Variants in CTNNA3 observed in about 807,000 individuals in gnomAD.
The protein encoded by CTNNA3 is catenin alpha-3.
In CTNNA3, 76 loss-of-function variants were observed where a neutral mutation model predicts 95.7. The observed-to-expected ratio is 0.79, with a 90% CI of 0.66 to 0.96. CTNNA3 has a LOEUF of 0.96. Ranked by LOEUF, CTNNA3 falls within the 40% of genes least tolerant of loss-of-function variation. The pLI is 0.00. For synonymous variants in CTNNA3, 431 were observed against 374.4 expected (o/e 1.15, Z -1.74); for missense variants, 1,191 against 1,089.8 (o/e 1.09, Z -1.31).
chr10:67,484,987 A>G (rs539546627), intron 5 of CTNNA3, among the ~76,000 whole-genome samples: 244 of 152,316 alleles, frequency 1.6e-3, no homozygotes, highest in African/African-American at 5.6e-3. Context: ...AAAAGAAAAT[A>G]AATCATTCTA....
At chr10:65,986,778 C>T (rs2078436213) in intron 16 of CTNNA3, among the ~76,000 whole-genome samples, 1 of 150,980 alleles carries the variant, frequency 6.6e-6, no homozygotes, top group Admixed American at 6.6e-5. Flanking sequence ...AACAGCAAAG[C>T]TGGAAACATC....
chr10:66,176,257 T>A (rs984151887), intron 13 of CTNNA3, among the ~76,000 whole-genome samples: 4 of 152,076 alleles, frequency 2.6e-5, no homozygotes, highest in Non-Finnish European at 5.9e-5. Context: ...AATGTGACAG[T>A]TGATGGTCTG....
intron 11 of CTNNA3, among the ~76,000 whole-genome samples, chr10:66,398,870 T>C (rs1298346446): frequency 6.6e-6 from 1 of 152,036 alleles, no homozygotes; most frequent in African/African-American, 2.4e-5. Context: ...TTCAGTGTTA[T>C]TATCTCAGCA....
chr10:66,396,172 C>A (rs546106486), intron 11 of CTNNA3, among the ~76,000 whole-genome samples: 10 of 151,980 alleles, frequency 6.6e-5, no homozygotes, highest in African/African-American at 2.4e-4. Context: ...TTTCTCTATC[C>A]AATCAAATAA....
intron 5 of CTNNA3, among the ~76,000 whole-genome samples, chr10:67,359,517 T>C (rs567718270): frequency 3.3e-5 from 5 of 152,240 alleles, no homozygotes; most frequent in East Asian, 1.9e-4. Context: ...AAAGATGACA[T>C]AGTCATTTTA....
intron 5 of CTNNA3, among the ~76,000 whole-genome samples, chr10:67,513,059 C>G (rs1368048200): frequency 6.6e-6 from 1 of 152,064 alleles, no homozygotes; most frequent in Non-Finnish European, 1.5e-5. Flanking sequence ...TTACTGGCAC[C>G]TCACCGCCTA....
rs567094335 is a variant in CTNNA3, at chr10:67,055,150, C to T, written c.1047+125167G>A. ...TTCCACCTCTCCTGCTTCCTACCTA[C>T]GCATCTTTGAGACAGCTGCATAGGC... is the stretch of plus-strand genomic sequence containing the variant. On this transcript the variant is annotated intron_variant, in intron 7 of 17. Transcript: ENST00000433211. 20 of 152,268 alleles carry T rather than the reference C, an allele frequency of 1.3e-4. No individual in the cohort carries two copies. The East Asian group carries it at 1.7e-3, about 13-fold the overall frequency. 9.4% of individuals were successfully genotyped at this position (152,268 alleles called of 1,614,324 possible).
rs539925404 is a variant in CTNNA3, at chr10:66,455,872, G to A, written c.1531+64745C>T. Among the ~76,000 whole-genome samples the A allele has an allele frequency of 2.0e-5, 3 of 152,220 alleles. No homozygotes were observed. The East Asian group carries it at 5.8e-4, about 29-fold the overall frequency. On this transcript the variant is annotated intron_variant, in intron 11 of 17. Coordinates refer to ENST00000433211, the MANE Select transcript of CTNNA3 (RefSeq NM_013266.4). Reference sequence around the variant, plus strand: ...GGGCTCACCTGCCCTGCATCAACAGGATACAAGATCAACATACAACAAAAC... The same window carrying A: ...GGGCTCACCTGCCCTGCATCAACAGAATACAAGATCAACATACAACAAAAC...
In CTNNA3 at chr10:67,743,496, A is replaced by G. The variant is rs1841355119; in HGVS notation, c.-2+19938T>C. ...TCAATAAATTAGGTATTGATGGGACATATCTCAAAATAATAAGAGCTATCT... is the reference window on the plus strand; with the variant it reads ...TCAATAAATTAGGTATTGATGGGACGTATCTCAAAATAATAAGAGCTATCT... On this transcript the variant is annotated intron_variant, in intron 1 of 17. Transcript: ENST00000684154. 2.0e-5 allele frequency among the ~76,000 whole-genome samples: 3 copies of G among 151,282 alleles called. No homozygotes were observed. The South Asian group carries it at 6.4e-4, about 32-fold the overall frequency.
In CTNNA3 at chr10:66,103,259, GA is replaced by G. The variant is rs779433087; in HGVS notation, c.1885-11del. 8 of 1,608,984 alleles carry G rather than the reference GA, an allele frequency of 5.0e-6. No homozygotes were observed. The highest frequency in any genetic ancestry group is 6.8e-6 in the Non-Finnish European group (8 of 1,175,478). ...CCAGTTCCTCTGGGGTCTATAAAAAGAAAGCAAAACATTGCTAGTGGGAATG... is the reference window on the plus strand; with the variant it reads ...CCAGTTCCTCTGGGGTCTATAAAAAGAAGCAAAACATTGCTAGTGGGAATG... On this transcript the variant is annotated splice_polypyrimidine_tract_variant and intron_variant, in intron 13 of 17. Transcript: ENST00000433211.
intron 9 of CTNNA3, among the ~76,000 whole-genome samples, chr10:66,625,529 C>T (rs924194480): frequency 2.0e-5 from 3 of 152,244 alleles, no homozygotes; most frequent in Admixed American, 2.0e-4. Context: ...GCTGGGACTA[C>T]AGGTGCGCAC....
At chr10:67,636,729 C>T (rs1839327246) in intron 2 of CTNNA3, among the ~76,000 whole-genome samples, 1 of 152,134 alleles carries the variant, frequency 6.6e-6, no homozygotes, top group African/African-American at 2.4e-5. Context: ...TCTGCAGACT[C>T]CACTGCTGAT....
chr10:66,877,217 T>G (rs192962794), intron 7 of CTNNA3, among the ~76,000 whole-genome samples: 119 of 152,260 alleles, frequency 7.8e-4, no homozygotes, highest in African/African-American at 2.7e-3. Flanking sequence ...GGCACTGTGT[T>G]CTGGCCTATT....
intron 13 of CTNNA3, among the ~76,000 whole-genome samples, chr10:66,181,404 C>T (rs915942842): frequency 6.6e-6 from 1 of 152,078 alleles, no homozygotes; most frequent in African/African-American, 2.4e-5. Flanking sequence ...ACATTGTTCA[C>T]CTTCAAATAA....
In CTNNA3 at chr10:66,809,966, G is replaced by A. The variant is rs113772414; in HGVS notation, c.1048-34442C>T. Among the ~76,000 whole-genome samples, 914 of 152,030 alleles carry A rather than the reference G, an allele frequency of 6.0e-3. 9 individuals carry two copies. The highest frequency in any genetic ancestry group is 0.021 in the African/African-American group (853 of 41,500). ...ATTACAGGCAACTGCTACCATGCCC[G>A]GCTAATTTTTGTATTTTTAGTAGAG... is the stretch of plus-strand genomic sequence containing the variant. On this transcript the variant is annotated intron_variant, in intron 7 of 17. Coordinates refer to ENST00000433211, the MANE Select transcript of CTNNA3 (RefSeq NM_013266.4).
At chr10:66,647,834 T>TAA (rs1182205801) in intron 9 of CTNNA3, among the ~76,000 whole-genome samples, 1 of 152,068 alleles carries the variant, frequency 6.6e-6, no homozygotes, top group Non-Finnish European at 1.5e-5. Flanking sequence ...GAACTCTTTA[T>TAA]ATATGTTTTT....
chr10:67,251,463 G>T (rs771929447), intron 5 of CTNNA3, among the ~76,000 whole-genome samples: 43 of 152,146 alleles, frequency 2.8e-4, no homozygotes, highest in Middle Eastern at 3.4e-3. Flanking sequence ...ATTTAAATAG[G>T]GAATGTTATG....
chr10:66,825,550 C>A (rs996250925), intron 7 of CTNNA3, among the ~76,000 whole-genome samples: 2 of 151,944 alleles, frequency 1.3e-5, no homozygotes, highest in African/African-American at 2.4e-5. Context: ...AGTGCTGAGA[C>A]TATAGGCATG....
intron 7 of CTNNA3, among the ~76,000 whole-genome samples, chr10:66,985,038 C>A (rs752753475): frequency 6.6e-6 from 1 of 152,110 alleles, no homozygotes; most frequent in African/African-American, 2.4e-5. Flanking sequence ...CAGAGCTCAT[C>A]CCTGCCTTTG....
Sources: gnomAD v4.1 joint callset for allele counts (sites outside exome capture counted in the v4.1 genomes callset) on GRCh38, gnomAD v4.1.1 for gene constraint, MANE v1.5 for transcripts, NCBI Gene and HGNC (gene_info 2026-07-23, HGNC 2026-07-21) for gene names.